RNF130: variants seen among roughly 807,000 people sequenced by gnomAD.
RNF130 encodes the protein ring finger protein 130.
Under a neutral mutation model 44.6 loss-of-function variants are expected in RNF130, and 21 were observed. That is an observed-to-expected ratio of 0.47 (90% CI 0.33 to 0.68). The LOEUF (loss-of-function observed/expected upper bound fraction) is 0.68. Among genes scored for constraint, RNF130 ranks in the 30% least tolerant of loss-of-function variants. The pLI is 0.02. For missense variants in RNF130, 479 were observed against 560.6 expected (o/e 0.85, Z 1.47); for synonymous variants, 214 against 210.4 (o/e 1.02, Z -0.15).
At chr5:179,933,828 T>C in intron 7 of RNF130, 1 of 772,940 alleles carries the variant, frequency 1.3e-6, no homozygotes, top group Non-Finnish European at 2.2e-6. Context: ...CCCAGGATTT[T>C]CCCTCCTGTG....
chr5:179,989,678 A>G (rs770414937), intron 3 of RNF130, among the ~76,000 whole-genome samples: 4 of 152,164 alleles, frequency 2.6e-5, no homozygotes, highest in Non-Finnish European at 4.4e-5. Flanking sequence ...AAATCTATTC[A>G]GTCAGGCTGT....
At position 179,964,737 on chromosome 5, in the gene RNF130, C is replaced by T. The variant is rs138989485; in HGVS notation, c.1151-1173G>A. ...ACGCAGCACTGCTCCTGGGGACTTC[C>T]GGTCCAGAGAGTGCTCTAGGAGCAT... On this transcript the variant is annotated intron_variant, in intron 7 of 8. Coordinates refer to ENST00000521389, the MANE Select transcript of RNF130 (RefSeq NM_018434.6). Among the ~76,000 whole-genome samples, 740 of 152,272 alleles carry T rather than the reference C, an allele frequency of 4.9e-3. 3 individuals are homozygous for T. The highest frequency in any genetic ancestry group is 0.017 in the African/African-American group (698 of 41,564).
intron 2 of RNF130, among the ~76,000 whole-genome samples, chr5:180,019,762 A>T (rs1422864068): frequency 6.6e-6 from 1 of 152,260 alleles, no homozygotes; most frequent in Non-Finnish European, 1.5e-5. Flanking sequence ...TTTTCCTAAA[A>T]TATAGACCTG....
At chr5:180,069,911 T>C (rs1196016635) in intron 1 of RNF130, among the ~76,000 whole-genome samples, 1 of 152,142 alleles carries the variant, frequency 6.6e-6, no homozygotes, top group African/African-American at 2.4e-5. Context: ...TTGTTTGGGG[T>C]GACAGGCAAG....
chr5:179,975,242 C>T (rs1422485717), intron 5 of RNF130, among the ~76,000 whole-genome samples: 3 of 152,234 alleles, frequency 2.0e-5, no homozygotes, highest in East Asian at 3.8e-4. Flanking sequence ...TTGGTGAGCG[C>T]GAAGGCGCAG....
At chr5:179,993,654 AT>A (rs1326898127) in intron 3 of RNF130, among the ~76,000 whole-genome samples, 5 of 151,826 alleles carry the variant, frequency 3.3e-5, no homozygotes, top group Non-Finnish European at 5.9e-5. Flanking sequence ...GATTGCAAAA[AT>A]TTTCTCCCAT....
At chr5:179,966,563 A>T (rs1762453934) in intron 7 of RNF130, among the ~76,000 whole-genome samples, 1 of 152,212 alleles carries the variant, frequency 6.6e-6, no homozygotes, top group South Asian at 2.1e-4. Context: ...AGCGACTAAG[A>T]CAGACCTCTG....
chr5:179,939,746 A>C (rs1761945894), intron 7 of RNF130: 63 of 449,864 alleles, frequency 1.4e-4, no homozygotes, highest in South Asian at 1.1e-3. Context: ...AAGCGGAGAA[A>C]AACGACCCCC....
intron 3 of RNF130, among the ~76,000 whole-genome samples, chr5:179,983,545 G>A (rs948226894): frequency 9.2e-5 from 14 of 152,244 alleles, no homozygotes; most frequent in African/African-American, 3.1e-4. Context: ...CTGAGGCTTT[G>A]TAATAGATCT....
At chr5:179,919,365 T>G (rs1456681779) in exon 8 of RNF130, 1 of 152,858 alleles carries the variant, frequency 6.5e-6, no homozygotes, top group African/African-American at 2.4e-5. Flanking sequence ...GGGACTGGGC[T>G]GCACAGTGGA....
At chr5:179,920,380 C>T in exon 8 of RNF130, 1 of 702,462 alleles carries the variant, frequency 1.4e-6, no homozygotes, top group Non-Finnish European at 2.6e-6. Context: ...CACTTTCATA[C>T]ACCAGACTCC....
intron 1 of RNF130, among the ~76,000 whole-genome samples, chr5:180,046,225 G>A (rs543615412): frequency 3.2e-4 from 49 of 152,228 alleles, no homozygotes; most frequent in African/African-American, 1.2e-3. Context: ...TGCAGGGCCC[G>A]CCAAGCTCAC....
intron 7 of RNF130, among the ~76,000 whole-genome samples, chr5:179,937,939 A>T (rs200193970): frequency 0.1 from 10,766 of 103,690 alleles, 377 homozygotes; most frequent in South Asian, 0.15. Flanking sequence ...TGTGTGAGAG[A>T]GAGAGAGAGA....
intron 2 of RNF130, among the ~76,000 whole-genome samples, chr5:180,024,247 A>AAAAAAACT (rs1289794029): frequency 6.6e-6 from 1 of 152,226 alleles, no homozygotes; most frequent in African/African-American, 2.4e-5. Flanking sequence ...CTAGAACAGA[A>AAAAAAACT]AAAAAACTAG....
intron 1 of RNF130, among the ~76,000 whole-genome samples, chr5:180,047,481 A>G (rs116670376): frequency 1.1e-4 from 16 of 152,298 alleles, no homozygotes; most frequent in Non-Finnish European, 2.1e-4. Context: ...GTGGTGGTTC[A>G]TAGCTGTCAT....
intron 3 of RNF130, among the ~76,000 whole-genome samples, chr5:179,999,732 G>T (rs1322930801): frequency 6.6e-6 from 1 of 151,826 alleles, no homozygotes; most frequent in Non-Finnish European, 1.5e-5. Context: ...AAGGAAAAAA[G>T]AAAAAAAAGA....
chr5:180,044,532 C>G (rs75377277), intron 1 of RNF130, among the ~76,000 whole-genome samples: 1 of 152,082 alleles, frequency 6.6e-6, no homozygotes, highest in Non-Finnish European at 1.5e-5. Flanking sequence ...TTGCTCTTGA[C>G]TCTTAAAGAG....
Position 179,966,873 on chromosome 5 carries a change from C to A in RNF130, c.1083G>T (p.Gly361=), listed in dbSNP as rs147841062. The A allele has an allele frequency of 1.2e-6, 2 of 1,614,220 alleles. No homozygotes were observed. The highest frequency in any genetic ancestry group is 1.3e-5 in the African/African-American group (1 of 75,066). The change falls in exon 7 of 9, where the codon GGG becomes GGT. Residue 361 remains glycine, a synonymous_variant. Transcript: ENST00000521389. ...SLGLEPLRTS[G]ISPLPQDGEL... is the part of the protein sequence containing the mutation. Reference sequence around the variant, plus strand: ...CCCCATCCTGAGGAAGAGGTGAGATCCCCGAAGTTCGAAGTGGCTCAAGGC... The same window carrying A: ...CCCCATCCTGAGGAAGAGGTGAGATACCCGAAGTTCGAAGTGGCTCAAGGC...
At chr5:180,005,460 C>G (rs767509134) in intron 3 of RNF130, among the ~76,000 whole-genome samples, 4 of 152,068 alleles carry the variant, frequency 2.6e-5, no homozygotes, top group Non-Finnish European at 5.9e-5. Context: ...CCAACAGAAA[C>G]CATATTGATT....
Sources: allele counts gnomAD v4.1 joint callset (sites outside exome capture counted in the v4.1 genomes callset), GRCh38; gene constraint gnomAD v4.1.1; transcripts MANE v1.5; gene names NCBI Gene and HGNC (gene_info 2026-07-23, HGNC 2026-07-21).